Variants in USH2A observed in about 807,000 individuals in gnomAD.
The protein encoded by USH2A is usherin, also known as Usher syndrome 2A (autosomal recessive, mild).
USH2A carries 443 observed loss-of-function variants against 538.9 expected under a neutral mutation model. The observed-to-expected ratio is 0.82, with a 90% CI of 0.76 to 0.89. USH2A has a LOEUF of 0.89. USH2A is among the 40% of genes least tolerant of loss of function. The pLI is 0.00. For missense variants in USH2A, 6,633 were observed against 6,324.8 expected (o/e 1.05, Z -1.65); for synonymous variants, 2,413 against 2,273.5 (o/e 1.06, Z -1.75).
At chr1:215,886,079 T>G (rs1039387732) in intron 41 of USH2A, among the ~76,000 whole-genome samples, 1 of 152,368 alleles carries the variant, frequency 6.6e-6, no homozygotes, top group East Asian at 1.9e-4. Context: ...CATGTACTGA[T>G]GTTCCGTAAA....
At chr1:215,848,511 G>A (rs1162749571) in intron 44 of USH2A, among the ~76,000 whole-genome samples, 2 of 152,166 alleles carry the variant, frequency 1.3e-5, no homozygotes, top group Non-Finnish European at 2.9e-5. Flanking sequence ...TCAATGTCTG[G>A]ATGAGACCCC....
chr1:215,849,536 T>A (rs1423096498), intron 44 of USH2A, among the ~76,000 whole-genome samples: 1 of 152,136 alleles, frequency 6.6e-6, no homozygotes, highest in Non-Finnish European at 1.5e-5. Flanking sequence ...AAAAGTCTAA[T>A]TACCTTAAAA....
At chr1:215,682,691 G>A (rs1452656292) in intron 61 of USH2A, among the ~76,000 whole-genome samples, 1 of 151,588 alleles carries the variant, frequency 6.6e-6, no homozygotes, top group Non-Finnish European at 1.5e-5. Context: ...AAAATTTTTA[G>A]GGGTATACTC....
At chr1:216,029,676 T>C (rs567422993) in intron 32 of USH2A, among the ~76,000 whole-genome samples, 2 of 152,022 alleles carry the variant, frequency 1.3e-5, no homozygotes, top group South Asian at 4.1e-4. Flanking sequence ...AGTTTACCAC[T>C]GTATTTTCAG....
intron 21 of USH2A, among the ~76,000 whole-genome samples, chr1:216,105,463 AAGTCTG>A (rs1369059465): frequency 3.3e-5 from 5 of 152,056 alleles, no homozygotes; most frequent in Non-Finnish European, 1.5e-5. Context: ...TTGACATTGG[AAGTCTG>A]AGTCTATTTC....
At chr1:216,185,088 TG>T (rs2034572656) in intron 20 of USH2A, among the ~76,000 whole-genome samples, 2 of 151,902 alleles carry the variant, frequency 1.3e-5, no homozygotes, top group African/African-American at 4.8e-5. Flanking sequence ...TAAAGAAAAG[TG>T]TAACAAGGAT....
At chr1:215,909,712 C>A (rs1665727644) in intron 38 of USH2A, among the ~76,000 whole-genome samples, 1 of 151,936 alleles carries the variant, frequency 6.6e-6, no homozygotes, top group Non-Finnish European at 1.5e-5. Context: ...GGGAAGGCAT[C>A]TCTGATGAGG....
intron 20 of USH2A, among the ~76,000 whole-genome samples, chr1:216,187,304 A>C (rs1231616076): frequency 6.6e-6 from 1 of 151,844 alleles, no homozygotes; most frequent in Non-Finnish European, 1.5e-5. Context: ...TGCTGAGTAT[A>C]ATTATCTTAG....
At chr1:215,799,666 T>A (rs1662261271) in intron 49 of USH2A, among the ~76,000 whole-genome samples, 1 of 151,956 alleles carries the variant, frequency 6.6e-6, no homozygotes, top group Admixed American at 6.6e-5. Flanking sequence ...TCTCTTCACA[T>A]GACAGTCTGG....
chr1:215,693,046 T>C (rs935552606), intron 61 of USH2A, among the ~76,000 whole-genome samples: 9 of 151,158 alleles, frequency 6.0e-5, no homozygotes, highest in African/African-American at 1.2e-4. Flanking sequence ...CACAGGTGTG[T>C]GCCACCATGC....
chr1:216,322,015 A>G lies in USH2A; in HGVS notation c.1551-39T>C, dbSNP rs199666857. On this transcript the variant is annotated intron_variant, in intron 8 of 71. Transcript: ENST00000307340. ...CATCACACACTCCTAAGGAACACCA[A>G]CTCAACTGTGAATATATTTAAGGTC... 1.1e-4 allele frequency: 171 copies of G among 1,584,900 alleles called. 1 individual carries two copies. The African/African-American group carries it at 2.2e-3, about 20-fold the overall frequency.
At chr1:216,036,139 C>A (rs2029941420) in intron 32 of USH2A, among the ~76,000 whole-genome samples, 1 of 152,044 alleles carries the variant, frequency 6.6e-6, no homozygotes, top group Admixed American at 6.6e-5. Flanking sequence ...GTAAGACGAT[C>A]AACCTGATTA....
chr1:216,319,559 G>A (rs1158104188), intron 9 of USH2A, among the ~76,000 whole-genome samples: 1 of 152,098 alleles, frequency 6.6e-6, no homozygotes, highest in Non-Finnish European at 1.5e-5. Flanking sequence ...AGGACTAGAT[G>A]TATATAAAGT....
chr1:215,825,660 T>C (rs1455643411), intron 47 of USH2A, among the ~76,000 whole-genome samples: 4 of 152,196 alleles, frequency 2.6e-5, no homozygotes, highest in African/African-American at 9.6e-5. Flanking sequence ...CAGGCTTTTT[T>C]TCTAATCGAT....
chr1:215,981,697 T>C (rs923040482), intron 35 of USH2A, among the ~76,000 whole-genome samples: 33 of 152,174 alleles, frequency 2.2e-4, no homozygotes, highest in Non-Finnish European at 5.9e-5. Context: ...TTGAGGACTA[T>C]CTACTAGTCC....
Position 215,782,862 on chromosome 1 carries a change from G to A in USH2A, c.10461C>T (p.Ser3487=). The part of the protein sequence containing the change: ...SAWNSYGRGL[S]KAVRARTKED... ...CTTTTGTTCTGGCTCTCACAGCTTT[G>A]CTGAGTCCTCGCCCATAGCTGTTCC... is the stretch of plus-strand genomic sequence containing the variant. Residue 3487 remains serine (S), a synonymous_variant, in exon 53 of 72, where the codon AGC becomes AGT. Transcript: ENST00000307340. 2 of 1,613,864 alleles carry A rather than the reference G, an allele frequency of 1.2e-6. No individual in the cohort carries two copies. Among genetic ancestry groups the A allele is most frequent in the African/African-American group, 2.7e-5 (2 of 74,986 alleles).
rs1425940804 is a variant in USH2A, at chr1:215,780,025, G to A, written c.10757C>T (p.Thr3586Ile). The A allele has an allele frequency of 6.8e-6, 11 of 1,614,112 alleles. No homozygotes were observed. The highest frequency in any genetic ancestry group is 9.3e-6 in the Non-Finnish European group (11 of 1,180,024). The stretch of plus-strand genomic sequence containing the variant: ...CAGGATGCTCTCCGGAACTCCTTGG[G>A]TAGTAGCTGCAACTACCTGAAGACG... ...ATSSKVVAATTQGVPESILPP... is the reference protein window; with the variant it reads ...ATSSKVVAATIQGVPESILPP... The change falls in exon 55 of 72, where the codon ACC becomes ATC. Residue 3586 changes from threonine to isoleucine, a missense_variant. Transcript: ENST00000307340.
intron 6 of USH2A, 52 bp from the exon 7 acceptor site, chr1:216,324,404 G>T: frequency 6.8e-7 from 1 of 1,467,120 alleles, no homozygotes; most frequent in Non-Finnish European, 9.4e-7. Context: ...TTAACCATCA[G>T]TATATATCAA....
At chr1:216,256,048 A>G (rs1161399842) in intron 11 of USH2A, among the ~76,000 whole-genome samples, 1 of 152,120 alleles carries the variant, frequency 6.6e-6, no homozygotes, top group East Asian at 1.9e-4. Flanking sequence ...ATATTAATAA[A>G]GTCACCCTAG....
Sources: gnomAD v4.1 joint callset for allele counts (sites outside exome capture counted in the v4.1 genomes callset) on GRCh38, gnomAD v4.1.1 for gene constraint, MANE v1.5 for transcripts, NCBI Gene and HGNC (gene_info 2026-07-23, HGNC 2026-07-21) for gene names.